The following CHL1 variants were observed in gnomAD, a reference collection of about 807,000 sequenced individuals.
CHL1 encodes the protein neural cell adhesion molecule L1-like protein.
CHL1 carries 96 observed loss-of-function variants against 141.9 expected under a neutral mutation model. That is an observed-to-expected ratio of 0.68 (90% confidence interval 0.57 to 0.80). CHL1 has a LOEUF of 0.80. CHL1 is among the 30% of genes least tolerant of loss of function. The probability of loss-of-function intolerance (pLI) is 0.00; values close to 1 mark genes in which losing one functional copy is unlikely to be tolerated. For missense variants in CHL1, 1,820 were observed against 1,457.2 expected, an observed-to-expected ratio of 1.25 and a Z score of -4.05; for synonymous variants, 613 against 502.2, an observed-to-expected ratio of 1.22 and a Z score of -2.95.
chr3:281,803 G>T (rs1422341861), intron 2 of CHL1, among the ~76,000 whole-genome samples: 1 of 152,022 alleles, frequency 6.6e-6, no homozygotes, highest in Non-Finnish European at 1.5e-5. Flanking sequence ...CAAGTGATCT[G>T]CTTGCCTTGG....
chr3:243,090 C>T (rs2125103486), intron 1 of CHL1, among the ~76,000 whole-genome samples: 1 of 152,284 alleles, frequency 6.6e-6, no homozygotes, highest in African/African-American at 2.4e-5. Flanking sequence ...ATCCTGAATG[C>T]ATGACATTCT....
At chr3:263,698 T>A (rs1694923589) in intron 2 of CHL1, among the ~76,000 whole-genome samples, 1 of 152,244 alleles carries the variant, frequency 6.6e-6, no homozygotes, top group African/African-American at 2.4e-5. Context: ...AATTTTTGAT[T>A]TGTGCATGTA....
At chr3:348,479 T>A (rs1702953969) in intron 9 of CHL1, among the ~76,000 whole-genome samples, 1 of 152,206 alleles carries the variant, frequency 6.6e-6, no homozygotes, top group East Asian at 1.9e-4. Flanking sequence ...GCTTTCCACA[T>A]AATTTTTAAA....
chr3:259,096 T>TG (rs1194862057), intron 2 of CHL1, among the ~76,000 whole-genome samples: 2 of 151,926 alleles, frequency 1.3e-5, no homozygotes, highest in African/African-American at 4.8e-5. Flanking sequence ...ACCATGCATG[T>TG]CTTTTTTTTA....
chr3:376,964 C>T (rs537445964), intron 15 of CHL1, among the ~76,000 whole-genome samples: 1 of 152,258 alleles, frequency 6.6e-6, no homozygotes, highest in Admixed American at 6.5e-5. Flanking sequence ...TCAAAATTCT[C>T]AGCATTTTAT....
At position 251,018 on chromosome 3, in the gene CHL1, T is replaced by C. The variant is rs112017798; in HGVS notation, c.-95+6326T>C. ...AAGCTTATAATCTTATAAAGGCAGATATGTTATTCAAGTTATAATGCAAAC... is the reference window on the plus strand; with the variant it reads ...AAGCTTATAATCTTATAAAGGCAGACATGTTATTCAAGTTATAATGCAAAC... On this transcript the variant is annotated intron_variant, in intron 2 of 27. Transcript: ENST00000256509. Among the ~76,000 whole-genome samples, 878 of 152,154 alleles carry C rather than the reference T, an allele frequency of 5.8e-3. 9 individuals are homozygous for C. Among genetic ancestry groups the C allele is most frequent in the African/African-American group, 0.02 (837 of 41,542 alleles).
At position 389,343 on chromosome 3, in the gene CHL1, C is replaced by G. The variant is rs769587618; in HGVS notation, c.2339C>G (p.Thr780Arg). Residue 780 changes from threonine (T) to arginine (R), a missense_variant, in exon 20 of 28, where the codon ACA becomes AGA. Transcript: ENST00000256509. ...GCCCCAGTGGAGTGGGAAGAAGAAA[C>G]AGTCACAAACCACACATTGCGGGTG... Reference protein sequence around the residue: ...QGAPVEWEEETVTNHTLRVMT... With the variant: ...QGAPVEWEEERVTNHTLRVMT... 3.7e-6 allele frequency: 6 copies of G among 1,614,072 alleles called. No individual in the cohort carries two copies. In the African/African-American group the frequency reaches 8.0e-5, roughly 22 times the overall value.
At chr3:274,805 G>C (rs1695945628) in intron 2 of CHL1, among the ~76,000 whole-genome samples, 1 of 152,082 alleles carries the variant, frequency 6.6e-6, no homozygotes, top group Non-Finnish European at 1.5e-5. Context: ...TCTTTTATCT[G>C]TATAATGACT....
At position 369,235 on chromosome 3, in the gene CHL1, A is replaced by ATT. The variant is rs34439657; in HGVS notation, c.1751+3130_1751+3131dup. Among the ~76,000 whole-genome samples, 96 of 149,470 alleles carry ATT rather than the reference A, an allele frequency of 6.4e-4. No individual in the cohort carries two copies. The East Asian group carries it at 8.8e-3, about 14-fold the overall frequency. On this transcript the variant is annotated intron_variant, in intron 15 of 27. Coordinates refer to ENST00000256509, the MANE Select transcript of CHL1 (RefSeq NM_006614.4). ...TATTCTTTGTATCCATGAGGATGGGATTTTTTTTTTTCATTTGTTTATGTC... is the reference window on the plus strand; with the variant it reads ...TATTCTTTGTATCCATGAGGATGGGATTTTTTTTTTTTTCATTTGTTTATGTC...
At chr3:281,383 C>G (rs959522871) in intron 2 of CHL1, among the ~76,000 whole-genome samples, 3 of 152,066 alleles carry the variant, frequency 2.0e-5, no homozygotes, top group African/African-American at 7.2e-5. Context: ...CCTCTGGTTC[C>G]TTATTTGCCT....
chr3:256,024 A>T (rs1559344135), intron 2 of CHL1, among the ~76,000 whole-genome samples: 1 of 151,478 alleles, frequency 6.6e-6, no homozygotes, highest in Non-Finnish European at 1.5e-5. Flanking sequence ...CCATTCCCCA[A>T]AGAATAGTGA....
chr3:242,175 G>T (rs1416124168), intron 1 of CHL1, among the ~76,000 whole-genome samples: 2 of 152,062 alleles, frequency 1.3e-5, no homozygotes, highest in Non-Finnish European at 2.9e-5. Flanking sequence ...AAGTACATGT[G>T]TGTGTATGTA....
chr3:391,554 G>T lies in CHL1; in HGVS notation c.2792-121G>T, dbSNP rs1241593230. On this transcript the variant is annotated intron_variant, in intron 22 of 27. Transcript: ENST00000256509. Reference sequence around the variant, plus strand: ...AAATAAACATTATTCCTTATTAGTAGTTAATTAATATTTACTTCAGATGAG... The same window carrying T: ...AAATAAACATTATTCCTTATTAGTATTTAATTAATATTTACTTCAGATGAG... 1.3e-5 allele frequency: 9 copies of T among 674,660 alleles called. 1 individual carries two copies. In the African/African-American group the frequency reaches 1.5e-4, roughly 11 times the overall value. 41.8% of individuals were successfully genotyped at this position (674,660 alleles called of 1,614,324 possible).
chr3:338,804 A>G (rs998234263), intron 5 of CHL1, among the ~76,000 whole-genome samples: 2 of 152,224 alleles, frequency 1.3e-5, no homozygotes, highest in African/African-American at 2.4e-5. Flanking sequence ...TGAATTACAA[A>G]TTTACATTTT....
intron 2 of CHL1, among the ~76,000 whole-genome samples, chr3:260,658 A>T (rs1694635176): frequency 6.6e-6 from 1 of 152,192 alleles, no homozygotes; most frequent in South Asian, 2.1e-4. Context: ...TACCAAATTG[A>T]CACAGCTGGG....
chr3:229,682 G>A (rs991850090), intron 1 of CHL1, among the ~76,000 whole-genome samples: 2 of 151,840 alleles, frequency 1.3e-5, no homozygotes, highest in South Asian at 2.1e-4. Context: ...ACTCTTGGTG[G>A]GATTATGAAA....
At chr3:211,591 C>T (rs939408350) in intron 1 of CHL1, among the ~76,000 whole-genome samples, 2 of 152,186 alleles carry the variant, frequency 1.3e-5, no homozygotes, top group African/African-American at 4.8e-5. Flanking sequence ...GCTTAGGAAC[C>T]ATACATACTA....
chr3:203,744 G>C (rs1157566459), intron 1 of CHL1, among the ~76,000 whole-genome samples: 1 of 152,232 alleles, frequency 6.6e-6, no homozygotes, highest in Non-Finnish European at 1.5e-5. Flanking sequence ...ACAGTGCTCT[G>C]CTTCTACCCC....
At chr3:361,885 G>C in intron 13 of CHL1, 75 bp downstream of exon 13, 1 of 1,017,856 alleles carries the variant, frequency 9.8e-7, no homozygotes, top group Non-Finnish European at 1.6e-6. Context: ...TCCGTCATTT[G>C]ACAGGCTGTA....
Sources: allele counts gnomAD v4.1 joint callset (sites outside exome capture counted in the v4.1 genomes callset), GRCh38; gene constraint gnomAD v4.1.1; transcripts MANE v1.5; gene names NCBI Gene and HGNC (gene_info 2026-07-23, HGNC 2026-07-21).